Variants in GPR176 observed in about 807,000 individuals in gnomAD.
GPR176 encodes the protein G-protein coupled receptor 176.
GPR176 carries 26 observed loss-of-function variants against 35.4 expected under a neutral mutation model. The observed-to-expected ratio is 0.74, with a 90% confidence interval of 0.54 to 1.02. The LOEUF is 1.02. Among genes scored for constraint, GPR176 ranks in the 50% least tolerant of loss-of-function variants. The pLI is 0.00. For synonymous variants in GPR176, 278 were observed against 271.3 expected, an observed-to-expected ratio of 1.02 and a Z score of -0.24; for missense variants, 597 against 665.3, an observed-to-expected ratio of 0.90 and a Z score of 1.13.
chr15:39,804,116 G>A (rs1043369846), intron 2 of GPR176, among the ~76,000 whole-genome samples: 2 of 152,156 alleles, frequency 1.3e-5, no homozygotes, highest in Non-Finnish European at 2.9e-5. Flanking sequence ...TCACTGACAT[G>A]TAACAAACCC....
chr15:39,902,150 G>A (rs1360552797), intron 1 of GPR176, among the ~76,000 whole-genome samples: 1 of 152,136 alleles, frequency 6.6e-6, no homozygotes, highest in East Asian at 1.9e-4. Flanking sequence ...TTCTGTTGGT[G>A]AAACTCAATA....
intron 1 of GPR176, among the ~76,000 whole-genome samples, chr15:39,820,547 A>T (rs976027735): frequency 1.3e-5 from 2 of 152,178 alleles, no homozygotes; most frequent in Non-Finnish European, 2.9e-5. Flanking sequence ...TCTGGCCTAG[A>T]CCCAGAATAT....
At chr15:39,851,853 A>T (rs1012095984) in intron 1 of GPR176, among the ~76,000 whole-genome samples, 1 of 152,150 alleles carries the variant, frequency 6.6e-6, no homozygotes, top group African/African-American at 2.4e-5. Context: ...TGTTTATATA[A>T]CGTCATAGTG....
At position 39,801,104 on chromosome 15, in the gene GPR176, C is replaced by T. The variant is rs778644654; in HGVS notation, c.*28G>A. On this transcript the variant is annotated 3_prime_UTR_variant, in exon 3 of 3. Coordinates refer to ENST00000561100, the MANE Select transcript of GPR176 (RefSeq NM_007223.3). Reference sequence around the variant, plus strand: ...CTCTGGTGGGAATATGGAAGCTCCCCGTTGCTTCCAAGAATTTACAATCCT... The same window carrying T: ...CTCTGGTGGGAATATGGAAGCTCCCTGTTGCTTCCAAGAATTTACAATCCT... 29 of 1,551,176 alleles carry T rather than the reference C, an allele frequency of 1.9e-5. No individual in the cohort carries two copies. The highest frequency in any genetic ancestry group is 8.7e-5 in the South Asian group (7 of 80,558).
intron 1 of GPR176, among the ~76,000 whole-genome samples, chr15:39,907,319 GATC>G (rs1475514790): frequency 6.6e-6 from 1 of 152,166 alleles, no homozygotes; most frequent in African/African-American, 2.4e-5. Flanking sequence ...ATGCCCACGT[GATC>G]TAGCCCAGAC....
At chr15:39,898,735 AG>A (rs2033191063) in intron 1 of GPR176, among the ~76,000 whole-genome samples, 1 of 152,172 alleles carries the variant, frequency 6.6e-6, no homozygotes, top group Admixed American at 6.5e-5. Flanking sequence ...AAGAGTAAAG[AG>A]ACATGATCAG....
chr15:39,898,620 G>A (rs2033187752), intron 1 of GPR176, among the ~76,000 whole-genome samples: 1 of 152,042 alleles, frequency 6.6e-6, no homozygotes, highest in Non-Finnish European at 1.5e-5. Flanking sequence ...GCGTAATTTG[G>A]AACTCCTGGA....
chr15:39,840,670 A>T (rs140212612), intron 1 of GPR176, among the ~76,000 whole-genome samples: 2 of 152,310 alleles, frequency 1.3e-5, no homozygotes, highest in East Asian at 3.9e-4. Flanking sequence ...GACATATTTG[A>T]CATTGTCAAT....
intron 1 of GPR176, among the ~76,000 whole-genome samples, chr15:39,865,488 G>A (rs190946511): frequency 8.5e-5 from 13 of 152,220 alleles, no homozygotes; most frequent in African/African-American, 2.4e-4. Flanking sequence ...TTATAAGTGC[G>A]AGTTTAATAA....
At chr15:39,848,499 CAGG>C (rs2030606268) in intron 1 of GPR176, among the ~76,000 whole-genome samples, 1 of 152,092 alleles carries the variant, frequency 6.6e-6, no homozygotes, top group Non-Finnish European at 1.5e-5. Context: ...CGCCCAGCAA[CAGG>C]AGAATATACA....
chr15:39,896,133 T>C (rs529758409), intron 1 of GPR176, among the ~76,000 whole-genome samples: 2 of 152,298 alleles, frequency 1.3e-5, no homozygotes, highest in East Asian at 3.9e-4. Flanking sequence ...TAGCTCACTG[T>C]AGCCTGGAAC....
chr15:39,874,389 C>T (rs919439149), intron 1 of GPR176, among the ~76,000 whole-genome samples: 2 of 152,232 alleles, frequency 1.3e-5, no homozygotes, highest in Non-Finnish European at 2.9e-5. Context: ...TTCTCATCTT[C>T]TCCAAATATT....
Position 39,800,526 on chromosome 15 carries a change from T to C in GPR176, c.*606A>G, listed in dbSNP as rs1898785490. 6.5e-6 allele frequency: 1 copy of C among 153,356 alleles called. No homozygotes were observed. Among genetic ancestry groups the C allele is most frequent in the African/African-American group, 2.4e-5 (1 of 41,404 alleles). The allele number at this position is 153,356 out of a possible 1,614,324, so 9.5% of individuals were successfully genotyped here. ...GGCACATCTATCGCCATGTGTACCA[T>C]AGGTGAGGAATCGTCATTCCTTACC... On this transcript the variant is annotated 3_prime_UTR_variant, in exon 3 of 3. Coordinates refer to ENST00000561100, the MANE Select transcript of GPR176 (RefSeq NM_007223.3).
At chr15:39,858,286 T>C (rs1299088642) in intron 1 of GPR176, among the ~76,000 whole-genome samples, 1 of 152,220 alleles carries the variant, frequency 6.6e-6, no homozygotes, top group African/African-American at 2.4e-5. Flanking sequence ...AAGCATAATA[T>C]GGGAATCCCA....
At position 39,801,201 on chromosome 15, in the gene GPR176, C is replaced by A; in HGVS notation, c.1479G>T (p.Lys493Asn). ...TCATCTTCCGCTCCACCCTGCCTAC[C>A]TTGGGCACCTTTGTCTGGATCAGCT... The part of the protein sequence containing the change: ...PEELIQTKVP[K>N]VGRVERKMSR... The change falls in exon 3 of 3, where the codon AAG becomes AAT. Residue 493 changes from lysine (K) to asparagine (N), a missense_variant. Physicochemically the swap from Lys to Asn is moderately conservative, Grantham distance 94. Around this residue, in one of 3 missense-constraint regions of GPR176, gnomAD observed 251 missense variants for 255.4 expected, o/e 0.98. Transcript: ENST00000561100. 1 of 1,614,146 alleles carries A rather than the reference C, an allele frequency of 6.2e-7. No individual in the cohort carries two copies. The highest frequency in any genetic ancestry group is 8.5e-7 in the Non-Finnish European group (1 of 1,179,960).
chr15:39,807,787 A>G (rs182968283), intron 1 of GPR176, among the ~76,000 whole-genome samples: 2 of 152,348 alleles, frequency 1.3e-5, no homozygotes, highest in Admixed American at 6.5e-5. Flanking sequence ...AAAATTATTA[A>G]TATTTTTCAT....
At position 39,801,497 on chromosome 15, in the gene GPR176, T is replaced by G. The variant is rs774097381; in HGVS notation, c.1183A>C (p.Ile395Leu). The G allele has an allele frequency of 1.2e-6, 2 of 1,614,130 alleles. No individual in the cohort carries two copies. Among genetic ancestry groups the G allele is most frequent in the Non-Finnish European group, 1.7e-6 (2 of 1,179,998 alleles). ...EDEEESEAKY[I>L]GSADFQAKEI... ...TTGGCCTGGAAGTCAGCTGAGCCAATGTACTTGGCCTCACTCTCTTCCTCA... is the reference window on the plus strand; with the variant it reads ...TTGGCCTGGAAGTCAGCTGAGCCAAGGTACTTGGCCTCACTCTCTTCCTCA... The change falls in exon 3 of 3, where the codon ATT becomes CTT. Residue 395 changes from isoleucine to leucine, a missense_variant. Transcript: ENST00000561100.
At chr15:39,906,435 G>A (rs2033423985) in intron 1 of GPR176, among the ~76,000 whole-genome samples, 1 of 152,092 alleles carries the variant, frequency 6.6e-6, no homozygotes, top group Non-Finnish European at 1.5e-5. Flanking sequence ...ATAGCTCCCT[G>A]ATGACAACAC....
chr15:39,831,022 G>C (rs78862706), intron 1 of GPR176, among the ~76,000 whole-genome samples: 21 of 152,200 alleles, frequency 1.4e-4, no homozygotes, highest in Admixed American at 2.6e-4. Context: ...GTTTTAAATT[G>C]ATTAAGCTAA....
Sources: gnomAD v4.1 joint callset for allele counts (sites outside exome capture counted in the v4.1 genomes callset) on GRCh38, gnomAD v4.1.1 for gene constraint, gnomAD v4.1.1 regional missense constraint, MANE v1.5 for transcripts, NCBI Gene and HGNC (gene_info 2026-07-23, HGNC 2026-07-21) for gene names.